CGNL1: variants seen among roughly 807,000 people sequenced by gnomAD.
CGNL1 encodes the protein cingulin like 1.
In CGNL1, 132 loss-of-function variants were observed where a neutral mutation model predicts 141.2. The ratio of observed to expected loss-of-function variants is 0.93; its 90% CI spans 0.81 to 1.08. The LOEUF (loss-of-function observed/expected upper bound fraction) is 1.08. CGNL1 is among the 50% of genes least tolerant of loss of function. CGNL1 has a pLI of 0.00. For synonymous variants in CGNL1, 690 were observed against 622.1 expected (o/e 1.11, Z -1.63); for missense variants, 1,870 against 1,588.6 (o/e 1.18, Z -3.01).
intron 8 of CGNL1, among the ~76,000 whole-genome samples, chr15:57,472,365 G>C (rs971825369): frequency 6.6e-6 from 1 of 152,138 alleles, no homozygotes. Context: ...GAAGCAGATA[G>C]GGAACAGCTC....
In CGNL1 at chr15:57,409,701, A is replaced by C. The variant is rs540436356; in HGVS notation, c.-15-28284A>C. On this transcript the variant is annotated intron_variant, in intron 1 of 18. Coordinates refer to ENST00000281282, the MANE Select transcript of CGNL1 (RefSeq NM_032866.5). ...AGTTGACTGATGCCATGTTCCATGT[A>C]AGTCAGGAGCTGTTAGGAAGAGTCA... 2.6e-5 allele frequency among the ~76,000 whole-genome samples: 4 copies of C among 152,290 alleles called. No homozygotes were observed. In the South Asian group the frequency reaches 8.3e-4, roughly 32 times the overall value.
intron 1 of CGNL1, among the ~76,000 whole-genome samples, chr15:57,410,336 AG>A (rs778524701): frequency 8.5e-5 from 13 of 152,266 alleles, no homozygotes; most frequent in Non-Finnish European, 1.9e-4. Context: ...GACTCATGAT[AG>A]TTCCTCAGTA....
Position 57,439,302 on chromosome 15 carries a change from C to A in CGNL1, c.1303C>A (p.Arg435Ser). The change falls in exon 2 of 19, where the codon CGT (arginine) becomes AGT (serine). Residue 435 changes from arginine to serine, a missense_variant. Coordinates refer to ENST00000281282, the MANE Select transcript of CGNL1 (RefSeq NM_032866.5). ...CPQRPLSQER[R>S]GKQSVGRTFA... ...GCAGCGGCCACTGTCTCAGGAGCGC[C>A]GTGGGAAACAGAGCGTGGGCCGCAC... is the stretch of plus-strand genomic sequence containing the variant. The A allele has an allele frequency of 6.2e-7, 1 of 1,614,092 alleles. No individual in the cohort carries two copies. The highest frequency in any genetic ancestry group is 8.5e-7 in the Non-Finnish European group (1 of 1,180,036).
In CGNL1 at chr15:57,480,790, A is replaced by G. The variant is rs138900303; in HGVS notation, c.2403+18898A>G. Among the ~76,000 whole-genome samples the G allele has an allele frequency of 2.5e-3, 376 of 152,286 alleles. 3 individuals carry two copies. Among genetic ancestry groups the G allele is most frequent in the African/African-American group, 8.5e-3 (355 of 41,562 alleles). On this transcript the variant is annotated intron_variant, in intron 8 of 18. Transcript: ENST00000281282. ...ACAGCCTTCTAAAGAGGAGACAGGT[A>G]TGCTTTTGGTTTCCAGTGATCAGTC... is the stretch of plus-strand genomic sequence containing the variant.
At position 57,438,506 on chromosome 15, in the gene CGNL1, T is replaced by A. The variant is rs1334566185; in HGVS notation, c.507T>A (p.Pro169=). ...AGTTGAATTTACAAAATCACCAGCCTTCTGAGAGTAATTGGCTAAAAACGT... is the reference window on the plus strand; with the variant it reads ...AGTTGAATTTACAAAATCACCAGCCATCTGAGAGTAATTGGCTAAAAACGT... The part of the protein sequence containing the change: ...KNELNLQNHQ[P]SESNWLKTLT... The change falls in exon 2 of 19, where the codon CCT becomes CCA. Residue 169 remains proline, a synonymous_variant. Coordinates refer to ENST00000281282, the MANE Select transcript of CGNL1 (RefSeq NM_032866.5). The A allele has an allele frequency of 2.5e-6, 4 of 1,614,028 alleles. No individual in the cohort carries two copies. Among genetic ancestry groups the A allele is most frequent in the Non-Finnish European group, 3.4e-6 (4 of 1,180,048 alleles).
chr15:57,482,388 G>T (rs1415125088), intron 8 of CGNL1, among the ~76,000 whole-genome samples: 6 of 152,110 alleles, frequency 3.9e-5, no homozygotes, highest in Admixed American at 6.5e-5. Flanking sequence ...ATTTTCTTCT[G>T]TGTTTTTGTT....
At position 57,516,997 on chromosome 15, in the gene CGNL1, C is replaced by T. The variant is rs1403307734; in HGVS notation, c.2610+11C>T. 1 of 1,609,586 alleles carries T rather than the reference C, an allele frequency of 6.2e-7. No homozygotes were observed. Among genetic ancestry groups the T allele is most frequent in the South Asian group, 1.1e-5 (1 of 90,488 alleles). ...CTGAAGAAGTACGAGGTGAGGCTCGCTGGGCCCAGGCCCAGCTTTGGCAGC... is the reference window on the plus strand; with the variant it reads ...CTGAAGAAGTACGAGGTGAGGCTCGTTGGGCCCAGGCCCAGCTTTGGCAGC... On this transcript the variant is annotated intron_variant, in intron 9 of 18. Coordinates refer to ENST00000281282, the MANE Select transcript of CGNL1 (RefSeq NM_032866.5).
intron 8 of CGNL1, among the ~76,000 whole-genome samples, chr15:57,476,701 A>G (rs1244905301): frequency 6.6e-6 from 1 of 152,258 alleles, no homozygotes; most frequent in African/African-American, 2.4e-5. Context: ...GATGCAATGG[A>G]AAAATCCCTC....
chr15:57,545,646 G>A lies in CGNL1; in HGVS notation c.3555G>A (p.Glu1185=), dbSNP rs758110160. The A allele has an allele frequency of 2.0e-5, 33 of 1,613,730 alleles. No individual in the cohort carries two copies. Among genetic ancestry groups the A allele is most frequent in the Non-Finnish European group, 2.8e-5 (33 of 1,179,964 alleles). ...SNRRLERKVK[E]LVMQVDDEHL... ...GGCGGCTGGAGCGGAAAGTGAAGGA[G>A]CTGGTGATGCAGGTGGATGATGAGC... Residue 1185 remains glutamate (E), a synonymous_variant, in exon 17 of 19, where the codon GAG becomes GAA. Coordinates refer to ENST00000281282, the MANE Select transcript of CGNL1 (RefSeq NM_032866.5).
rs117573303 is a variant in CGNL1 at position 57,476,168 on chromosome 15, G to A, written c.2403+14276G>A. Among the ~76,000 whole-genome samples the A allele has an allele frequency of 6.1e-3, 934 of 152,224 alleles. 4 individuals carry two copies. The highest frequency in any genetic ancestry group is 9.4e-3 in the Non-Finnish European group (641 of 68,032). ...GGCATGAGAAGCTGGCATATGGCAC[G>A]GAAAGCAGAAGTTCGGAAAAGGGTG... is the stretch of plus-strand genomic sequence containing the variant. On this transcript the variant is annotated intron_variant, in intron 8 of 18. Transcript: ENST00000281282.
At position 57,451,357 on chromosome 15, in the gene CGNL1, A is replaced by G. The variant is rs1447740733; in HGVS notation, c.1804-143A>G. ...CACCAAGTCAGGGAAGGTTCCCTGA[A>G]GGGGTTGATGTTTGAATTGGGTCTT... On this transcript the variant is annotated intron_variant, in intron 4 of 18. Transcript: ENST00000281282. 8.5e-6 allele frequency: 5 copies of G among 587,070 alleles called. No homozygotes were observed. The East Asian group carries it at 1.4e-4, about 17-fold the overall frequency. 36.4% of individuals were successfully genotyped at this position (587,070 alleles called of 1,614,324 possible).
At chr15:57,516,430 G>T (rs989934509) in intron 8 of CGNL1, among the ~76,000 whole-genome samples, 5 of 152,168 alleles carry the variant, frequency 3.3e-5, no homozygotes, top group Admixed American at 6.5e-5. Context: ...ACAGGCAAGG[G>T]TTGGCAAACT....
chr15:57,439,229 C>G lies in CGNL1; in HGVS notation c.1230C>G (p.Asn410Lys), dbSNP rs1236700578. The G allele has an allele frequency of 5.0e-6, 8 of 1,614,046 alleles. No homozygotes were observed. The highest frequency in any genetic ancestry group is 6.8e-6 in the Non-Finnish European group (8 of 1,180,038). Residue 410 changes from asparagine to lysine, a missense_variant, in exon 2 of 19, where the codon AAC becomes AAG. Asn to Lys is a moderately conservative substitution (Grantham distance 94). Coordinates refer to ENST00000281282, the MANE Select transcript of CGNL1 (RefSeq NM_032866.5). ...AGTACCTGATTGAATTCAGTAGGAA[C>G]TTGGGCAAGTCAAGCGAACACCTCC... ...NSEYLIEFSR[N>K]LGKSSEHLLR...
intron 4 of CGNL1, among the ~76,000 whole-genome samples, chr15:57,447,092 G>T (rs1444493354): frequency 6.6e-6 from 1 of 151,940 alleles, no homozygotes; most frequent in Admixed American, 6.6e-5. Flanking sequence ...CAAATGCATA[G>T]ATAAATTTGG....
At chr15:57,432,839 T>G (rs1165828582) in intron 1 of CGNL1, among the ~76,000 whole-genome samples, 2 of 152,388 alleles carry the variant, frequency 1.3e-5, no homozygotes, top group Non-Finnish European at 2.9e-5. Context: ...AAATTGTGGA[T>G]GTTTCATGAA....
intron 1 of CGNL1, among the ~76,000 whole-genome samples, chr15:57,420,033 T>G (rs2062895971): frequency 6.6e-6 from 1 of 152,232 alleles, no homozygotes; most frequent in Non-Finnish European, 1.5e-5. Flanking sequence ...CATTGGGAGA[T>G]CTTTTAGTTG....
intron 8 of CGNL1, among the ~76,000 whole-genome samples, chr15:57,492,858 C>T (rs2063886040): frequency 1.3e-5 from 2 of 152,234 alleles, no homozygotes; most frequent in Non-Finnish European, 2.9e-5. Flanking sequence ...ACACTGTCAT[C>T]TCTACATGCC....
rs757030243 is a variant in CGNL1, at chr15:57,439,060, A to G, written c.1061A>G (p.Asp354Gly). The G allele has an allele frequency of 6.2e-7, 1 of 1,614,226 alleles. No homozygotes were observed. The highest frequency in any genetic ancestry group is 8.5e-7 in the Non-Finnish European group (1 of 1,180,042). The change falls in exon 2 of 19, where the codon GAT becomes GGT. Residue 354 changes from aspartate to glycine, a missense_variant. By Grantham distance (94) the Asp-to-Gly change is moderately conservative. Coordinates refer to ENST00000281282, the MANE Select transcript of CGNL1 (RefSeq NM_032866.5). ...GATACAGGATCAATTCCTGGTGTGG[A>G]TCAGTTAATTGAAAAATTTGATCAA... ...DIDTGSIPGV[D>G]QLIEKFDQKP...
intron 7 of CGNL1, among the ~76,000 whole-genome samples, chr15:57,455,810 A>T (rs2063372271): frequency 6.6e-6 from 1 of 152,176 alleles, no homozygotes; most frequent in African/African-American, 2.4e-5. Flanking sequence ...TGATGGGATA[A>T]CGATATGAGA....
Sources: allele counts gnomAD v4.1 joint callset (sites outside exome capture counted in the v4.1 genomes callset), GRCh38; gene constraint gnomAD v4.1.1; transcripts MANE v1.5; gene names NCBI Gene and HGNC (gene_info 2026-07-23, HGNC 2026-07-21).